CYB5R4: variants seen among roughly 807,000 people sequenced by gnomAD.
CYB5R4 encodes the protein cytochrome b5 reductase 4, also known as N-terminal cytochrome b5 and cytochrome b5 oxidoreductase domain-containing protein.
A neutral mutation model predicts 70.2 loss-of-function variants in CYB5R4; 55 were observed. The ratio of observed to expected loss-of-function variants is 0.78; its 90% confidence interval spans 0.63 to 0.98. The LOEUF (loss-of-function observed/expected upper bound fraction) is 0.98. Among genes scored for constraint, CYB5R4 ranks in the 50% least tolerant of loss-of-function variants. The pLI is 0.00. For missense variants in CYB5R4, 562 were observed against 612.6 expected (o/e 0.92, Z 0.87); for synonymous variants, 197 against 199.5 (o/e 0.99, Z 0.11).
chr6:83,885,661 C>T (rs192205947), intron 2 of CYB5R4, among the ~76,000 whole-genome samples: 41 of 152,254 alleles, frequency 2.7e-4, no homozygotes, highest in African/African-American at 9.4e-4. Context: ...TAAGTTGGAG[C>T]ATGCTGTAAT....
chr6:83,910,202 G>A (rs1222580889), intron 4 of CYB5R4: 2 of 1,457,732 alleles, frequency 1.4e-6, no homozygotes, highest in South Asian at 2.5e-5. Flanking sequence ...TGAATGGGCT[G>A]CCTGCCAGTT....
At chr6:83,914,787 G>T (rs560909579) in intron 5 of CYB5R4, among the ~76,000 whole-genome samples, 1 of 151,474 alleles carries the variant, frequency 6.6e-6, no homozygotes, top group South Asian at 2.1e-4. Context: ...TGCCCACCTC[G>T]GCCTCCCAGA....
chr6:83,893,713 C>A, intron 3 of CYB5R4, 91 bp downstream of exon 3: 1 of 711,008 alleles, frequency 1.4e-6, no homozygotes, highest in Non-Finnish European at 2.3e-6. Context: ...GAAATAGTTG[C>A]ATAAATTCCA....
intron 4 of CYB5R4, chr6:83,910,322 T>C: frequency 3.4e-6 from 2 of 592,260 alleles, no homozygotes; most frequent in Non-Finnish European, 3.0e-6. Flanking sequence ...GCTCAGAGAC[T>C]AACTGATAGG....
At chr6:83,948,732 A>G (rs560607259) in intron 14 of CYB5R4, among the ~76,000 whole-genome samples, 6 of 152,194 alleles carry the variant, frequency 3.9e-5, no homozygotes, top group African/African-American at 1.4e-4. Context: ...AACATAAAGT[A>G]TCTTTTAATA....
At chr6:83,938,570 G>T (rs909822289) in intron 12 of CYB5R4, among the ~76,000 whole-genome samples, 25 of 152,170 alleles carry the variant, frequency 1.6e-4, no homozygotes, top group African/African-American at 5.8e-4. Flanking sequence ...TAATGTTCAG[G>T]TCACTAGATA....
chr6:83,862,137 T>C (rs2099456049), intron 1 of CYB5R4, among the ~76,000 whole-genome samples: 1 of 152,224 alleles, frequency 6.6e-6, no homozygotes. Context: ...GGATTGTTCA[T>C]AGGATTCAAT....
chr6:83,927,016 TTC>T (rs1417989927), intron 10 of CYB5R4, among the ~76,000 whole-genome samples: 1 of 152,180 alleles, frequency 6.6e-6, no homozygotes, highest in East Asian at 1.9e-4. Flanking sequence ...TTTACCAGTC[TTC>T]TCTCTGCCTT....
At chr6:83,959,789 C>A in intron 15 of CYB5R4, 35 bp from the exon 16 acceptor site, 2 of 1,563,764 alleles carry the variant, frequency 1.3e-6, no homozygotes, top group East Asian at 2.3e-5. Context: ...AAAGCATTTT[C>A]CCTAAGAAAC....
At chr6:83,953,722 A>T (rs1457737032) in intron 14 of CYB5R4, among the ~76,000 whole-genome samples, 1 of 152,152 alleles carries the variant, frequency 6.6e-6, no homozygotes, top group Admixed American at 6.5e-5. Context: ...ATGGGAAGGT[A>T]AGGGACTTTG....
At chr6:83,880,347 C>A (rs755395017) in intron 2 of CYB5R4, among the ~76,000 whole-genome samples, 1 of 152,124 alleles carries the variant, frequency 6.6e-6, no homozygotes, top group Non-Finnish European at 1.5e-5. Flanking sequence ...GACTCATTGG[C>A]TTTAATTTTT....
At chr6:83,880,364 A>C (rs746527834) in intron 2 of CYB5R4, among the ~76,000 whole-genome samples, 2 of 152,208 alleles carry the variant, frequency 1.3e-5, no homozygotes. Context: ...TTTTTTTGCC[A>C]TCCAGGTGAC....
Position 83,936,345 on chromosome 6 carries a change from C to T in CYB5R4, c.1077C>T (p.Leu359=), listed in dbSNP as rs750539311. 3.7e-6 allele frequency: 6 copies of T among 1,611,788 alleles called. No individual in the cohort carries two copies. The highest frequency in any genetic ancestry group is 3.4e-5 in the Admixed American group (2 of 59,170). The part of the protein sequence containing the change: ...YFLIKIYPTG[L]FTPELDRLQI... ...TGATAAAAATCTATCCCACTGGACT[C>T]TTCACACCAGAGCTTGATCGTCTTC... The change falls in exon 12 of 16, where the codon CTC becomes CTT. Residue 359 remains leucine (L), a synonymous_variant. Coordinates refer to ENST00000369681, the MANE Select transcript of CYB5R4 (RefSeq NM_016230.4).
Position 83,966,127 on chromosome 6 carries a change from A to G in CYB5R4, c.*6249A>G, listed in dbSNP as rs897836689. 3.9e-5 allele frequency: 6 copies of G among 152,208 alleles called. No homozygotes were observed. Among genetic ancestry groups the G allele is most frequent in the African/African-American group, 1.4e-4 (6 of 41,452 alleles). The allele number at this position is 152,208 out of a possible 1,614,324, so 9.4% of individuals were successfully genotyped here. On this transcript the variant is annotated 3_prime_UTR_variant, in exon 16 of 16. Coordinates refer to ENST00000369681, the MANE Select transcript of CYB5R4 (RefSeq NM_016230.4). ...AAGTGGCTGTTCAGGGGATACAGGA[A>G]TAGGGGATAATAACTAAAGGGTTGG...
chr6:83,875,308 ACTATGCTG>A (rs2099458354), intron 2 of CYB5R4, among the ~76,000 whole-genome samples: 1 of 152,030 alleles, frequency 6.6e-6, no homozygotes, highest in East Asian at 1.9e-4. Context: ...ACTGAGTCTC[ACTATGCTG>A]CCTAGGCTGG....
chr6:83,910,174 C>A (rs1007686567), intron 4 of CYB5R4: 3 of 1,566,728 alleles, frequency 1.9e-6, no homozygotes, highest in Non-Finnish European at 2.6e-6. Flanking sequence ...GCACTGTGAG[C>A]AAGGACAAGA....
At chr6:83,896,731 A>G (rs1348147400) in intron 3 of CYB5R4, among the ~76,000 whole-genome samples, 2 of 152,172 alleles carry the variant, frequency 1.3e-5, no homozygotes, top group African/African-American at 4.8e-5. Flanking sequence ...TGCTGCAGTA[A>G]ACATGCAAAT....
In CYB5R4 at chr6:83,955,472, A is replaced by G. The variant is rs778828433; in HGVS notation, c.1511+10A>G. On this transcript the variant is annotated intron_variant, in intron 15 of 15. Transcript: ENST00000369681. ...CAGAACAAGGAGTAAGGTGAGTAAC[A>G]GTGTAGTAGGAAACAGACTGCCCAA... 4 of 1,609,768 alleles carry G rather than the reference A, an allele frequency of 2.5e-6. No individual in the cohort carries two copies. Among genetic ancestry groups the G allele is most frequent in the Non-Finnish European group, 3.4e-6 (4 of 1,177,438 alleles).
chr6:83,942,498 C>A (rs2099469926), intron 14 of CYB5R4, among the ~76,000 whole-genome samples: 1 of 152,208 alleles, frequency 6.6e-6, no homozygotes, highest in Non-Finnish European at 1.5e-5. Flanking sequence ...GGTGCCTACA[C>A]CACCAGGGCC....
Sources: allele counts gnomAD v4.1 joint callset (sites outside exome capture counted in the v4.1 genomes callset), GRCh38; gene constraint gnomAD v4.1.1; transcripts MANE v1.5; gene names NCBI Gene and HGNC (gene_info 2026-07-23, HGNC 2026-07-21).